The following CLIC6 variants were observed in gnomAD, a reference collection of about 807,000 sequenced individuals.
CLIC6 encodes chloride intracellular channel protein 6.
Under a neutral mutation model 49.2 loss-of-function variants are expected in CLIC6, and 39 were observed. The ratio of observed to expected loss-of-function variants is 0.79; its 90% CI spans 0.61 to 1.04. The LOEUF is 1.04. CLIC6 is among the 50% of genes least tolerant of loss of function. The probability of loss-of-function intolerance (pLI) is 0.00; values close to 1 mark genes in which losing one functional copy is unlikely to be tolerated. For missense variants in CLIC6, 988 were observed against 993.1 expected, an observed-to-expected ratio of 0.99 and a Z score of 0.07; for synonymous variants, 446 against 433.4, an observed-to-expected ratio of 1.03 and a Z score of -0.36.
chr21:34,713,694 C>T (rs189235486), intron 5 of CLIC6, among the ~76,000 whole-genome samples: 24 of 151,856 alleles, frequency 1.6e-4, no homozygotes, highest in African/African-American at 3.1e-4. Flanking sequence ...TAAAAGAAAA[C>T]GAGAGAATGT....
In CLIC6 at chr21:34,708,808, T is replaced by C. The variant is rs1278974886; in HGVS notation, c.1717+2T>C. ...ACACGAAGAAGGATGCAAATGAGAG[T>C]GAGTACCTCCCATCCTCCTGTTTTG... On this transcript the variant is annotated splice_donor_variant, in intron 4 of 5. Coordinates refer to ENST00000349499, the MANE Select transcript of CLIC6 (RefSeq NM_053277.3). LOFTEE classifies it high-confidence loss of function. 1 of 1,596,884 alleles carries C rather than the reference T, an allele frequency of 6.3e-7. No individual in the cohort carries two copies. The highest frequency in any genetic ancestry group is 1.3e-5 in the African/African-American group (1 of 74,550).
intron 5 of CLIC6, among the ~76,000 whole-genome samples, chr21:34,710,115 A>C (rs2056045842): frequency 6.6e-6 from 1 of 151,454 alleles, no homozygotes; most frequent in African/African-American, 2.4e-5. Context: ...TATACAAAAA[A>C]TAAAAAAAAA....
chr21:34,692,785 G>A (rs1990019910), intron 1 of CLIC6, among the ~76,000 whole-genome samples: 1 of 152,156 alleles, frequency 6.6e-6, no homozygotes, highest in Non-Finnish European at 1.5e-5. Flanking sequence ...GGAAGAGAAG[G>A]CAGGTGCCTC....
chr21:34,687,917 A>G (rs1237870971), intron 1 of CLIC6, among the ~76,000 whole-genome samples: 2 of 152,182 alleles, frequency 1.3e-5, no homozygotes, highest in South Asian at 4.1e-4. Context: ...TATGGCCTGG[A>G]ATGAGGAATC....
intron 1 of CLIC6, among the ~76,000 whole-genome samples, chr21:34,698,950 G>A (rs1990138472): frequency 6.6e-6 from 1 of 152,176 alleles, no homozygotes; most frequent in Admixed American, 6.5e-5. Context: ...CTGATGATCA[G>A]GTAAAGGGTA....
At chr21:34,706,798 A>G (rs2056017767) in intron 1 of CLIC6, among the ~76,000 whole-genome samples, 1 of 152,188 alleles carries the variant, frequency 6.6e-6, no homozygotes, top group Admixed American at 6.5e-5. Flanking sequence ...TGGAAATACT[A>G]CACTGACACA....
intron 1 of CLIC6, among the ~76,000 whole-genome samples, chr21:34,678,578 G>C (rs8133066): frequency 0.016 from 2,377 of 152,222 alleles, 67 homozygotes; most frequent in African/African-American, 0.054. Context: ...GAACTGGCAG[G>C]TTCTTTCACA....
intron 5 of CLIC6, among the ~76,000 whole-genome samples, chr21:34,711,197 G>A (rs2056054058): frequency 6.6e-6 from 1 of 152,172 alleles, no homozygotes; most frequent in African/African-American, 2.4e-5. Context: ...ATAAGTCATG[G>A]ACTGTTTGTT....
At chr21:34,695,269 T>C (rs754188720) in intron 1 of CLIC6, among the ~76,000 whole-genome samples, 6 of 152,234 alleles carry the variant, frequency 3.9e-5, no homozygotes, top group Non-Finnish European at 7.3e-5. Context: ...CCGACCCTTC[T>C]TCCCTAATCA....
chr21:34,670,550 G>A lies in CLIC6; in HGVS notation c.1162G>A (p.Gly388Arg), dbSNP rs1206040908. Reference protein sequence around the residue: ...PEGPREEEAAGGEEESPDSSP... With the variant: ...PEGPREEEAARGEEESPDSSP... ...GGGGCCAAGGGAGGAGGAAGCAGCGGGGGGCGAAGAGGAATCCCCCGACAG... is the reference window on the plus strand; with the variant it reads ...GGGGCCAAGGGAGGAGGAAGCAGCGAGGGGCGAAGAGGAATCCCCCGACAG... The change falls in exon 1 of 6, where the codon GGG (glycine) becomes AGG (arginine). Residue 388 changes from glycine (G) to arginine (R), a missense_variant. Coordinates refer to ENST00000349499, the MANE Select transcript of CLIC6 (RefSeq NM_053277.3). 6.0e-6 allele frequency: 9 copies of A among 1,500,144 alleles called. No homozygotes were observed. The South Asian group carries it at 6.6e-5, about 11-fold the overall frequency. The allele number at this position is 1,500,144 out of a possible 1,614,324, so 92.9% of individuals were successfully genotyped here. A position where few individuals can be genotyped will look rare whatever the true frequency, so the allele number is the denominator to read the frequency against.
At chr21:34,697,064 C>G (rs891212875) in intron 1 of CLIC6, among the ~76,000 whole-genome samples, 11 of 151,936 alleles carry the variant, frequency 7.2e-5, no homozygotes, top group African/African-American at 2.7e-4. Context: ...AATCCAGGGA[C>G]AGTATAGAGG....
intron 1 of CLIC6, 125 bp downstream of exon 1, chr21:34,670,887 C>G: frequency 3.6e-6 from 4 of 1,116,814 alleles, no homozygotes; most frequent in Non-Finnish European, 3.6e-6. Flanking sequence ...TCAGGCGCTT[C>G]CATGCGCGGG....
chr21:34,714,028 A>G (rs1189835372), intron 5 of CLIC6, among the ~76,000 whole-genome samples: 1 of 152,224 alleles, frequency 6.6e-6, no homozygotes, highest in Non-Finnish European at 1.5e-5. Flanking sequence ...AAAGAAAATG[A>G]TGTATGAGGT....
chr21:34,695,784 G>A (rs933830781), intron 1 of CLIC6, among the ~76,000 whole-genome samples: 3 of 152,196 alleles, frequency 2.0e-5, no homozygotes, highest in South Asian at 2.1e-4. Context: ...GGCAGACATT[G>A]GTTTTACCTG....
chr21:34,707,511 C>G, intron 2 of CLIC6, 122 bp downstream of exon 2: 1 of 713,482 alleles, frequency 1.4e-6, no homozygotes, highest in East Asian at 2.7e-5. Flanking sequence ...CATCCTCAGT[C>G]GGAGTCTGAA....
intron 1 of CLIC6, among the ~76,000 whole-genome samples, chr21:34,705,808 A>G (rs2056010491): frequency 6.6e-6 from 1 of 152,204 alleles, no homozygotes; most frequent in African/African-American, 2.4e-5. Flanking sequence ...TTTGTCTTAC[A>G]CATTGACAAT....
At position 34,717,440 on chromosome 21, in the gene CLIC6, G is replaced by T. The variant is rs2056094127; in HGVS notation, c.*958G>T. On this transcript the variant is annotated 3_prime_UTR_variant, in exon 6 of 6. Transcript: ENST00000349499. ...TCTCTGCCCTTCATTGTCTCATCTA[G>T]ACATCAAGCAGGGAAAATCCAGGGA... is the stretch of plus-strand genomic sequence containing the variant. The T allele has an allele frequency of 6.6e-6, 1 of 152,158 alleles. No individual in the cohort carries two copies. Among genetic ancestry groups the T allele is most frequent in the Non-Finnish European group, 1.5e-5 (1 of 68,078 alleles). 9.4% of individuals were successfully genotyped at this position (152,158 alleles called of 1,614,324 possible). A position where few individuals can be genotyped will look rare whatever the true frequency, so the allele number is the denominator to read the frequency against.
chr21:34,670,794 A>T (rs1188398843), intron 1 of CLIC6, 32 bp downstream of exon 1: 14 of 1,573,796 alleles, frequency 8.9e-6, no homozygotes, highest in Non-Finnish European at 1.1e-5. Flanking sequence ...TCTTAGGACG[A>T]CCCCCTTCCA....
chr21:34,670,778 C>T lies in CLIC6; in HGVS notation c.1374+16C>T. The T allele has an allele frequency of 6.3e-7, 1 of 1,591,624 alleles. No individual in the cohort carries two copies. The highest frequency in any genetic ancestry group is 8.5e-7 in the Non-Finnish European group (1 of 1,175,396). On this transcript the variant is annotated intron_variant, in intron 1 of 5. Coordinates refer to ENST00000349499, the MANE Select transcript of CLIC6 (RefSeq NM_053277.3). ...CTTCGTCAAGGTAAAGCTCGCTTCCCTCAATTCTTAGGACGACCCCCTTCC... is the reference window on the plus strand; with the variant it reads ...CTTCGTCAAGGTAAAGCTCGCTTCCTTCAATTCTTAGGACGACCCCCTTCC...
Sources: allele counts gnomAD v4.1 joint callset (sites outside exome capture counted in the v4.1 genomes callset), GRCh38; gene constraint gnomAD v4.1.1; transcripts MANE v1.5; gene names NCBI Gene and HGNC (gene_info 2026-07-23, HGNC 2026-07-21).